The following CAMTA1 variants were observed in gnomAD, a reference collection of about 807,000 sequenced individuals.
CAMTA1 encodes calmodulin-binding transcription activator 1.
CAMTA1 carries 27 observed loss-of-function variants against 170.9 expected under a neutral mutation model. The ratio of observed to expected loss-of-function variants is 0.16; its 90% CI spans 0.12 to 0.22. The LOEUF is 0.22. CAMTA1 is among the 10% of genes least tolerant of loss of function. CAMTA1 has a pLI of 1.00. For missense variants in CAMTA1, 1,619 were observed against 2,217.2 expected, an observed-to-expected ratio of 0.73 and a Z score of 5.42; for synonymous variants, 833 against 891.5, an observed-to-expected ratio of 0.93 and a Z score of 1.17.
chr1:7,579,783 C>T (rs1285491973), intron 6 of CAMTA1, among the ~76,000 whole-genome samples: 1 of 152,138 alleles, frequency 6.6e-6, no homozygotes, highest in Non-Finnish European at 1.5e-5. Flanking sequence ...TGGTCTCGAA[C>T]TCCTGACCTC....
rs185477509 is a variant in CAMTA1 at position 7,432,316 on chromosome 1, C to T, written c.439-35514C>T. 1.9e-3 allele frequency among the ~76,000 whole-genome samples: 283 copies of T among 152,280 alleles called. 1 individual carries two copies. Among genetic ancestry groups the T allele is most frequent in the African/African-American group, 6.4e-3 (266 of 41,530 alleles). ...AGTGACCTCCCCAAGGTCACACAGC[C>T]GGAAAGTACTGAAGTCAGGTTTTGA... On this transcript the variant is annotated intron_variant, in intron 5 of 22. Coordinates refer to ENST00000303635, the MANE Select transcript of CAMTA1 (RefSeq NM_015215.4).
chr1:7,133,859 A>T (rs1241678851), intron 4 of CAMTA1, among the ~76,000 whole-genome samples: 1 of 152,204 alleles, frequency 6.6e-6, no homozygotes, highest in Non-Finnish European at 1.5e-5. Flanking sequence ...AGAGTCATAG[A>T]TTATTTGGTA....
chr1:7,201,736 A>G (rs1467289952), intron 4 of CAMTA1, among the ~76,000 whole-genome samples: 3 of 152,282 alleles, frequency 2.0e-5, no homozygotes, highest in African/African-American at 7.2e-5. Flanking sequence ...AAATTGGGTT[A>G]CCTGTCCTTT....
At chr1:7,468,704 T>C (rs2093269437) in intron 6 of CAMTA1, among the ~76,000 whole-genome samples, 1 of 152,216 alleles carries the variant, frequency 6.6e-6, no homozygotes, top group South Asian at 2.1e-4. Flanking sequence ...CACCCCAAGT[T>C]CTTACTGTTG....
At chr1:7,496,737 G>T (rs1429049587) in intron 6 of CAMTA1, among the ~76,000 whole-genome samples, 1 of 151,978 alleles carries the variant, frequency 6.6e-6, no homozygotes, top group Admixed American at 6.5e-5. Flanking sequence ...TTGGAAGGTC[G>T]TGTTGTTGAT....
rs1009851561 is a variant in CAMTA1 at position 7,738,431 on chromosome 1, C to T, written c.4131C>T (p.Tyr1377=). ...TGGTGAATACAGAGCTGGGGTCCTA[C>T]CGTGATAGTGCAGAAAATGAAGAAT... ...REVVNTELGS[Y]RDSAENEECG... is the part of the protein sequence containing the mutation. Residue 1377 remains tyrosine, a synonymous_variant, in exon 16 of 23, where the codon TAC becomes TAT. Transcript: ENST00000303635. The surrounding 1 kb of genome is among the most constrained non-coding windows in gnomAD (Gnocchi z 4.9). The T allele has an allele frequency of 1.2e-6, 2 of 1,613,968 alleles. No individual in the cohort carries two copies. The highest frequency in any genetic ancestry group is 2.7e-5 in the African/African-American group (2 of 74,916).
intron 6 of CAMTA1, among the ~76,000 whole-genome samples, chr1:7,627,348 T>C (rs2095640401): frequency 6.6e-6 from 1 of 152,222 alleles, no homozygotes; most frequent in African/African-American, 2.4e-5. Context: ...CTGAATTAAT[T>C]TGATGTTGCT....
chr1:7,326,630 C>T (rs1313869417), intron 5 of CAMTA1, among the ~76,000 whole-genome samples: 1 of 152,134 alleles, frequency 6.6e-6, no homozygotes, highest in Non-Finnish European at 1.5e-5. Context: ...CCAAGGAATG[C>T]CAAGTGTTGC....
At chr1:7,529,439 C>T (rs1205078977) in intron 6 of CAMTA1, among the ~76,000 whole-genome samples, 2 of 152,114 alleles carry the variant, frequency 1.3e-5, no homozygotes, top group Non-Finnish European at 2.9e-5. Context: ...CGACAGTACC[C>T]GCTCGCTGAG....
intron 4 of CAMTA1, among the ~76,000 whole-genome samples, chr1:7,245,517 C>A (rs1665624799): frequency 6.6e-6 from 1 of 151,896 alleles, no homozygotes; most frequent in Non-Finnish European, 1.5e-5. Context: ...ACTTTATACC[C>A]ATTTCTTTAC....
chr1:7,127,655 C>CA (rs1645013160), intron 4 of CAMTA1, among the ~76,000 whole-genome samples: 1 of 152,146 alleles, frequency 6.6e-6, no homozygotes, highest in Non-Finnish European at 1.5e-5. Flanking sequence ...CGATGCTTGT[C>CA]CATAGGAAGC....
rs925642650 is a variant in CAMTA1 at position 7,626,680 on chromosome 1, G to A, written c.511-13720G>A. 4.6e-5 allele frequency among the ~76,000 whole-genome samples: 7 copies of A among 152,160 alleles called. No homozygotes were observed. In the East Asian group the frequency reaches 5.8e-4, roughly 13 times the overall value. The stretch of plus-strand genomic sequence containing the variant: ...TGAGAGACAGCAGAGGGTGGGGGTC[G>A]GGTGCAGCTCCCTGTCCTCACTCTC... On this transcript the variant is annotated intron_variant, in intron 6 of 22. Transcript: ENST00000303635.
rs982556718 is a variant in CAMTA1, at chr1:7,249,099, G to A, written c.303-392G>A. Among the ~76,000 whole-genome samples the A allele has an allele frequency of 3.3e-5, 5 of 152,162 alleles. No homozygotes were observed. Among genetic ancestry groups the A allele is most frequent in the Non-Finnish European group, 7.3e-5 (5 of 68,042 alleles). ...TGCTGGGTGATGGATTAAAAGATGT[G>A]TAGAAAATCCTTCCACAAGAGATAA... On this transcript the variant is annotated intron_variant, in intron 4 of 22. Coordinates refer to ENST00000303635, the MANE Select transcript of CAMTA1 (RefSeq NM_015215.4). The surrounding 1 kb of genome is among the most constrained non-coding windows in gnomAD (Gnocchi z 4.4).
At chr1:7,468,212 G>A (rs990619987) in intron 6 of CAMTA1, among the ~76,000 whole-genome samples, 15 of 152,366 alleles carry the variant, frequency 9.8e-5, no homozygotes, top group Admixed American at 8.5e-4. Context: ...AAAGAAGGCC[G>A]AGTATCCTGC....
At position 7,310,702 on chromosome 1, in the gene CAMTA1, CTTTCTTTCTTTCTTTCTT is replaced by C. The variant is rs775005444; in HGVS notation, c.438+61078_438+61095del. 2.3e-3 allele frequency among the ~76,000 whole-genome samples: 114 copies of C among 48,898 alleles called. 13 individuals carry two copies. The highest frequency in any genetic ancestry group is 0.01 in the African/African-American group (98 of 9,754). The allele number at this position is 48,898 out of a possible 152,430, so 32.1% of individuals were successfully genotyped here. A position where few individuals can be genotyped will look rare whatever the true frequency, so the allele number is the denominator to read the frequency against. On this transcript the variant is annotated intron_variant, in intron 5 of 22. Coordinates refer to ENST00000303635, the MANE Select transcript of CAMTA1 (RefSeq NM_015215.4). The stretch of plus-strand genomic sequence containing the variant: ...TTTCTCTCTCTCTCTCTCTCTCTCT[CTTTCTTTCTTTCTTTCTT>C]TCTTTCTTTCTTTCTTTCTTTCTTT...
chr1:7,090,791 C>T (rs189428331), intron 3 of CAMTA1, among the ~76,000 whole-genome samples: 1 of 152,260 alleles, frequency 6.6e-6, no homozygotes, highest in East Asian at 1.9e-4. Flanking sequence ...TCCCCGTTTC[C>T]TCTCTGGAAT....
At chr1:7,474,034 C>A (rs968652157) in intron 6 of CAMTA1, among the ~76,000 whole-genome samples, 1 of 152,210 alleles carries the variant, frequency 6.6e-6, no homozygotes, top group Non-Finnish European at 1.5e-5. Flanking sequence ...TCCGGGGCCA[C>A]CCCCCTGGAC....
intron 6 of CAMTA1, among the ~76,000 whole-genome samples, chr1:7,507,479 C>T (rs1016548481): frequency 4.6e-5 from 7 of 152,240 alleles, no homozygotes. Context: ...TCTCTCTCAT[C>T]TTTGGCACCT....
chr1:7,681,949 C>A lies in CAMTA1; in HGVS notation c.2914+4216C>A, dbSNP rs1037423518. Among the ~76,000 whole-genome samples the A allele has an allele frequency of 6.6e-6, 1 of 152,186 alleles. No homozygotes were observed. Among genetic ancestry groups the A allele is most frequent in the Non-Finnish European group, 1.5e-5 (1 of 68,038 alleles). ...TTCTTGTCTTACAGCATCTGATTCT[C>A]CCCCAAGGCCAAGTTGAGAAGATTT... On this transcript the variant is annotated intron_variant, in intron 11 of 22. Transcript: ENST00000303635. This position sits in a 1 kb window ranked among gnomAD's most constrained non-coding sequence, Gnocchi z 4.6.
Sources: gnomAD v4.1 joint callset for allele counts (sites outside exome capture counted in the v4.1 genomes callset) on GRCh38, gnomAD v4.1.1 for gene constraint, Gnocchi (gnomAD v3.1) non-coding constraint, MANE v1.5 for transcripts, NCBI Gene and HGNC (gene_info 2026-07-23, HGNC 2026-07-21) for gene names.